The following IFNAR1 variants were observed in gnomAD, a reference collection of about 807,000 sequenced individuals.
IFNAR1 encodes interferon alpha/beta receptor 1.
In IFNAR1, 47 loss-of-function variants were observed where a neutral mutation model predicts 62.1. The ratio of observed to expected loss-of-function variants is 0.76; its 90% CI spans 0.60 to 0.97. IFNAR1 has a LOEUF of 0.97. Ranked by LOEUF, IFNAR1 falls within the 50% of genes least tolerant of loss-of-function variation. The pLI is 0.00. For synonymous variants in IFNAR1, 219 were observed against 226.9 expected, an observed-to-expected ratio of 0.97 and a Z score of 0.31; for missense variants, 638 against 654.5, an observed-to-expected ratio of 0.97 and a Z score of 0.27.
rs2083478825 is a variant in IFNAR1, at chr21:33,359,413, C to T, written c.*3864C>T. On this transcript the variant is annotated 3_prime_UTR_variant, in exon 11 of 11. Transcript: ENST00000270139. The stretch of plus-strand genomic sequence containing the variant: ...AGAGCTGAGGCCTGTGCTTGGTGTT[C>T]CAGAGCCCAGGGTTGAGCATCCTGA... 6.6e-6 allele frequency: 1 copy of T among 152,110 alleles called. No individual in the cohort carries two copies. Among genetic ancestry groups the T allele is most frequent in the South Asian group, 2.1e-4 (1 of 4,830 alleles). The allele number at this position is 152,110 out of a possible 1,614,324, so 9.4% of individuals were successfully genotyped here.
In IFNAR1 at chr21:33,349,477, G is replaced by A. The variant is rs373432616; in HGVS notation, c.1077G>A (p.Thr359=). The A allele has an allele frequency of 1.1e-5, 18 of 1,611,802 alleles. No individual in the cohort carries two copies. Among genetic ancestry groups the A allele is most frequent in the South Asian group, 9.9e-5 (9 of 91,006 alleles). The change falls in exon 8 of 11, where the codon ACG becomes ACA. Residue 359 remains threonine, a synonymous_variant. Transcript: ENST00000270139. ...GTGCTCCAAAACAGTCTGGAAACACGCCTGTGATCCAGGATTATCCACTGA... is the reference window on the plus strand; with the variant it reads ...GTGCTCCAAAACAGTCTGGAAACACACCTGTGATCCAGGATTATCCACTGA... ...YIGAPKQSGN[T]PVIQDYPLIY...
chr21:33,330,342 C>G (rs1185467942), intron 1 of IFNAR1, among the ~76,000 whole-genome samples: 1 of 152,152 alleles, frequency 6.6e-6, no homozygotes, highest in African/African-American at 2.4e-5. Flanking sequence ...CTAGAAATCT[C>G]CCTCTGCTTC....
At chr21:33,324,722 G>C (rs575011600), upstream of IFNAR1, 1 of 372,772 alleles carries the variant, frequency 2.7e-6, no homozygotes, top group South Asian at 3.6e-5. Flanking sequence ...CTCCAGACCG[G>C]CCATAGGCCG....
intron 6 of IFNAR1, 91 bp downstream of exon 6, chr21:33,345,451 G>C (rs2083336544): frequency 2.7e-6 from 2 of 745,744 alleles, no homozygotes; most frequent in Non-Finnish European, 4.8e-6. Context: ...CTTGCACACA[G>C]AATGACCGAC....
In IFNAR1 at chr21:33,352,920, T is replaced by C; in HGVS notation, c.1294+12T>C. 6.5e-7 allele frequency: 1 copy of C among 1,544,468 alleles called. No individual in the cohort carries two copies. Among genetic ancestry groups the C allele is most frequent in the African/African-American group, 1.4e-5 (1 of 72,936 alleles). ...GAAAACAAAACCAGGTCAGAATCTT[T>C]TATTGTCTTTTTTAAAAATGTAGCT... On this transcript the variant is annotated intron_variant, in intron 9 of 10. Coordinates refer to ENST00000270139, the MANE Select transcript of IFNAR1 (RefSeq NM_000629.3).
intron 1 of IFNAR1, among the ~76,000 whole-genome samples, chr21:33,332,252 C>G (rs2083188230): frequency 6.6e-6 from 1 of 152,200 alleles, no homozygotes; most frequent in South Asian, 2.1e-4. Context: ...ACTTCTGCAG[C>G]CTAGGCCCCT....
At chr21:33,328,312 T>A (rs2123652728) in intron 1 of IFNAR1, among the ~76,000 whole-genome samples, 1 of 152,196 alleles carries the variant, frequency 6.6e-6, no homozygotes, top group South Asian at 2.1e-4. Flanking sequence ...TTAACGTCTG[T>A]GTTGTTGTTA....
At chr21:33,333,767 G>A (rs1401634569) in intron 1 of IFNAR1, among the ~76,000 whole-genome samples, 2 of 151,770 alleles carry the variant, frequency 1.3e-5, no homozygotes, top group Non-Finnish European at 2.9e-5. Context: ...GGGACTACAG[G>A]CGCCCGCTAC....
At chr21:33,348,003 CG>C (rs908268277) in intron 6 of IFNAR1, among the ~76,000 whole-genome samples, 3 of 151,994 alleles carry the variant, frequency 2.0e-5, no homozygotes, top group Non-Finnish European at 4.4e-5. Flanking sequence ...AAGGTGCATG[CG>C]GCGACATGGT....
At chr21:33,345,016 G>A (rs2083332230) in intron 5 of IFNAR1, among the ~76,000 whole-genome samples, 1 of 152,070 alleles carries the variant, frequency 6.6e-6, no homozygotes, top group Non-Finnish European at 1.5e-5. Flanking sequence ...TCGAACTCCT[G>A]ACCTCAGGTG....
intron 1 of IFNAR1, among the ~76,000 whole-genome samples, chr21:33,328,249 C>G (rs2083145198): frequency 6.6e-6 from 1 of 152,140 alleles, no homozygotes. Context: ...GCAGATGAGG[C>G]CTGCAGATAG....
At chr21:33,326,802 AC>A (rs11355531) in intron 1 of IFNAR1, among the ~76,000 whole-genome samples, 33,473 of 151,248 alleles carry the variant, frequency 0.22, 4,348 homozygotes, top group Admixed American at 0.29. Flanking sequence ...TTTTTCTTTT[AC>A]AAAAATAATA....
In IFNAR1 at chr21:33,349,133, G is replaced by A. The variant is rs1191883044; in HGVS notation, c.831G>A (p.Trp277Ter). ...KRNPGNHLYKWKQIPDCENVK... is the reference protein window; with the variant it reads ...KRNPGNHLYK Reference sequence around the variant, plus strand: ...ATCCTGGAAACCATTTGTATAAATGGAAACAAATACCTGACTGTGAAAATG... The same window carrying A: ...ATCCTGGAAACCATTTGTATAAATGAAAACAAATACCTGACTGTGAAAATG... The change falls in exon 7 of 11, where the codon TGG (tryptophan) becomes TGA (stop). Residue 277 changes from tryptophan (W) to a stop codon, truncating the protein, a stop_gained. Transcript: ENST00000270139. LOFTEE classifies it high-confidence loss of function. 5 of 1,610,958 alleles carry A rather than the reference G, an allele frequency of 3.1e-6. No homozygotes were observed. The Admixed American group carries it at 6.7e-5, about 22-fold the overall frequency.
chr21:33,357,099 C>T lies in IFNAR1; in HGVS notation c.*1550C>T, dbSNP rs2083455342. On this transcript the variant is annotated 3_prime_UTR_variant, in exon 11 of 11. Transcript: ENST00000270139. Reference sequence around the variant, plus strand: ...TTAAATTACTTGCTACTGGGGATTACCCATGGATATCCTTAATAGGCAGGA... The same window carrying T: ...TTAAATTACTTGCTACTGGGGATTATCCATGGATATCCTTAATAGGCAGGA... 1 of 152,176 alleles carries T rather than the reference C, an allele frequency of 6.6e-6. No individual in the cohort carries two copies. The highest frequency in any genetic ancestry group is 2.4e-5 in the African/African-American group (1 of 41,426). The allele number at this position is 152,176 out of a possible 1,614,324, so 9.4% of individuals were successfully genotyped here.
chr21:33,342,110 C>T (rs2083297101), intron 3 of IFNAR1, among the ~76,000 whole-genome samples: 1 of 152,088 alleles, frequency 6.6e-6, no homozygotes, highest in African/African-American at 2.4e-5. Context: ...TCGATAATTC[C>T]TTTAAGAATG....
intron 2 of IFNAR1, among the ~76,000 whole-genome samples, chr21:33,338,997 C>T (rs1311746456): frequency 6.6e-6 from 1 of 152,062 alleles, no homozygotes; most frequent in Non-Finnish European, 1.5e-5. Flanking sequence ...CCCCCTCGGC[C>T]TCCCAAAGTG....
In IFNAR1 at chr21:33,355,475, G is replaced by T; in HGVS notation, c.1600G>T (p.Asp534Tyr). Residue 534 changes from aspartate (D) to tyrosine (Y), a missense_variant, in exon 11 of 11, where the codon GAT becomes TAT. Asp to Tyr is a radical substitution (Grantham distance 160, BLOSUM62 -3). Coordinates refer to ENST00000270139, the MANE Select transcript of IFNAR1 (RefSeq NM_000629.3). Reference protein sequence around the residue: ...HKKYSSQTSQDSGNYSNEDES... With the variant: ...HKKYSSQTSQYSGNYSNEDES... ...AAAATACAGTTCCCAAACTAGCCAAGATTCAGGAAATTATTCTAATGAAGA... is the reference window on the plus strand; with the variant it reads ...AAAATACAGTTCCCAAACTAGCCAATATTCAGGAAATTATTCTAATGAAGA... 2 of 1,608,062 alleles carry T rather than the reference G, an allele frequency of 1.2e-6. No homozygotes were observed. Among genetic ancestry groups the T allele is most frequent in the Non-Finnish European group, 1.7e-6 (2 of 1,177,910 alleles).
In IFNAR1 at chr21:33,333,614, A is replaced by ATTTTTTTTTTTTTTTT. The variant is rs59240203; in HGVS notation, c.77-1899_77-1898insTTTTTTTTTTTTTTTT. Among the ~76,000 whole-genome samples, 201 of 106,984 alleles carry ATTTTTTTTTTTTTTTT rather than the reference A, an allele frequency of 1.9e-3. 9 individuals are homozygous for ATTTTTTTTTTTTTTTT. Among genetic ancestry groups the ATTTTTTTTTTTTTTTT allele is most frequent in the African/African-American group, 4.4e-3 (108 of 24,416 alleles). 70.2% of individuals were successfully genotyped at this position (106,984 alleles called of 152,430 possible). A position where few individuals can be genotyped will look rare whatever the true frequency, so the allele number is the denominator to read the frequency against. Reference sequence around the variant, plus strand: ...CCATACTTAAAGAGACTGGCGGAATATTTTTTTTTTTCTTTTTTTTTTTTT... The same window carrying ATTTTTTTTTTTTTTTT: ...CCATACTTAAAGAGACTGGCGGAATATTTTTTTTTTTTTTTTTTTTTTTTTTTCTTTTTTTTTTTTT... On this transcript the variant is annotated intron_variant, in intron 1 of 10. Transcript: ENST00000270139.
chr21:33,325,094 C>G lies in IFNAR1; in HGVS notation c.39C>G (p.Leu13=). The change falls in exon 1 of 11, where the codon CTC becomes CTG. Residue 13 remains leucine, a synonymous_variant. Coordinates refer to ENST00000270139, the MANE Select transcript of IFNAR1 (RefSeq NM_000629.3). ...VVLLGATTLV[L]VAVAPWVLSA... ...TCCTGGGCGCGACGACCCTAGTGCT[C>G]GTCGCCGTGGCGCCATGGGTGTTGT... 6 of 1,611,038 alleles carry G rather than the reference C, an allele frequency of 3.7e-6. No homozygotes were observed. The highest frequency in any genetic ancestry group is 5.1e-6 in the Non-Finnish European group (6 of 1,179,348).
Sources: allele counts gnomAD v4.1 joint callset (sites outside exome capture counted in the v4.1 genomes callset), GRCh38; gene constraint gnomAD v4.1.1; transcripts MANE v1.5; gene names NCBI Gene and HGNC (gene_info 2026-07-23, HGNC 2026-07-21).